Variants in SPIDR observed in about 807,000 individuals in gnomAD.
SPIDR encodes the protein scaffold protein involved in DNA repair.
SPIDR carries 93 observed loss-of-function variants against 104.6 expected under a neutral mutation model. That is an observed-to-expected ratio of 0.89 (90% CI 0.75 to 1.06). The LOEUF (loss-of-function observed/expected upper bound fraction) is 1.06, where lower values mean the gene tolerates loss of function less well. Among genes scored for constraint, SPIDR ranks in the 50% least tolerant of loss-of-function variants. The pLI, the probability that SPIDR is intolerant of heterozygous loss-of-function variation, is 0.00. For missense variants in SPIDR, 1,154 were observed against 1,111.2 expected (o/e 1.04, Z -0.55); for synonymous variants, 431 against 416.9 (o/e 1.03, Z -0.41).
At chr8:47,494,463 T>A (rs1017512032) in intron 8 of SPIDR, among the ~76,000 whole-genome samples, 2 of 152,166 alleles carry the variant, frequency 1.3e-5, no homozygotes, top group African/African-American at 4.8e-5. Context: ...GAAATAAATA[T>A]TAGTGTAAAT....
chr8:47,709,066 G>A (rs957114541), intron 14 of SPIDR, among the ~76,000 whole-genome samples: 3 of 150,648 alleles, frequency 2.0e-5, no homozygotes, highest in African/African-American at 7.3e-5. Context: ...TCTGCCTCCC[G>A]TGTTCAAGAG....
chr8:47,661,002 A>C (rs2074027612), intron 10 of SPIDR: 1 of 983,626 alleles, frequency 1.0e-6, no homozygotes, highest in East Asian at 1.1e-4. Context: ...TGGATTGTGC[A>C]GGTACCCAAA....
intron 5 of SPIDR, among the ~76,000 whole-genome samples, chr8:47,311,018 T>G (rs908074847): frequency 2.0e-5 from 3 of 152,182 alleles, no homozygotes; most frequent in Non-Finnish European, 4.4e-5. Context: ...TTGATATGAC[T>G]CCTATGTTAG....
At chr8:47,556,855 C>T (rs982662303) in intron 8 of SPIDR, among the ~76,000 whole-genome samples, 2 of 151,996 alleles carry the variant, frequency 1.3e-5, no homozygotes, top group Admixed American at 6.5e-5. Flanking sequence ...CCTCCCACTT[C>T]GGCCTCCCAA....
chr8:47,613,025 T>G (rs2063801321), intron 10 of SPIDR, among the ~76,000 whole-genome samples: 4 of 152,214 alleles, frequency 2.6e-5, no homozygotes, highest in Admixed American at 2.6e-4. Flanking sequence ...TAACATAAAA[T>G]TGGCCATTTT....
At position 47,632,794 on chromosome 8, in the gene SPIDR, G is replaced by A. The variant is rs549801111; in HGVS notation, c.1544+33598G>A. 5.9e-5 allele frequency among the ~76,000 whole-genome samples: 9 copies of A among 152,194 alleles called. No homozygotes were observed. The South Asian group carries it at 8.3e-4, about 14-fold the overall frequency. The stretch of plus-strand genomic sequence containing the variant: ...AATGAATAAAGCACACAAAATCTCC[G>A]AGCAGTAGCTGGCCTTTCAGGGGCA... On this transcript the variant is annotated intron_variant, in intron 10 of 19. Transcript: ENST00000297423.
chr8:47,571,595 A>G (rs1221111297), intron 8 of SPIDR, among the ~76,000 whole-genome samples: 1 of 152,236 alleles, frequency 6.6e-6, no homozygotes, highest in African/African-American at 2.4e-5. Flanking sequence ...TACAAACATT[A>G]TAGCAATAAG....
intron 1 of SPIDR, among the ~76,000 whole-genome samples, chr8:47,270,330 GT>G (rs1253144698): frequency 6.6e-6 from 1 of 152,088 alleles, no homozygotes; most frequent in African/African-American, 2.4e-5. Context: ...TCTCTGATCA[GT>G]TTTTTATTTC....
rs1329338010 is a variant in SPIDR, at chr8:47,511,324, A to G, written c.1097+70782A>G. The G allele has an allele frequency of 2.4e-6, 3 of 1,259,152 alleles. No homozygotes were observed. The East Asian group carries it at 6.9e-5, about 29-fold the overall frequency. 78.0% of individuals were successfully genotyped at this position (1,259,152 alleles called of 1,614,324 possible). A position where few individuals can be genotyped will look rare whatever the true frequency, so the allele number is the denominator to read the frequency against. ...TTTGGCTTCATTTTCTGCCAGTTGGACTGGAGAGATGGTACTCAACACCTA... is the reference window on the plus strand; with the variant it reads ...TTTGGCTTCATTTTCTGCCAGTTGGGCTGGAGAGATGGTACTCAACACCTA... On this transcript the variant is annotated intron_variant, in intron 8 of 19. Coordinates refer to ENST00000297423, the MANE Select transcript of SPIDR (RefSeq NM_001080394.4).
At chr8:47,531,157 A>T (rs535857932) in intron 8 of SPIDR, among the ~76,000 whole-genome samples, 14 of 152,302 alleles carry the variant, frequency 9.2e-5, no homozygotes, top group African/African-American at 3.1e-4. Context: ...TTGGCCTCCC[A>T]AAGGTATTAC....
intron 5 of SPIDR, among the ~76,000 whole-genome samples, chr8:47,353,517 G>A (rs1292956812): frequency 1.3e-5 from 2 of 152,138 alleles, no homozygotes; most frequent in Non-Finnish European, 2.9e-5. Context: ...ACAGGAGGAG[G>A]CCAGAGCGTA....
intron 5 of SPIDR, among the ~76,000 whole-genome samples, chr8:47,317,739 T>C (rs1586848923): frequency 6.6e-6 from 1 of 152,102 alleles, no homozygotes; most frequent in South Asian, 2.1e-4. Flanking sequence ...GGTACTCCTC[T>C]GAGACAAAAC....
At chr8:47,540,300 T>C (rs528367579) in intron 8 of SPIDR, among the ~76,000 whole-genome samples, 63 of 152,104 alleles carry the variant, frequency 4.1e-4, no homozygotes, top group Non-Finnish European at 7.4e-4. Context: ...ATTGATGTCA[T>C]CCAAAAAGAA....
chr8:47,711,010 C>T (rs369284354), intron 14 of SPIDR, among the ~76,000 whole-genome samples: 8 of 151,714 alleles, frequency 5.3e-5, no homozygotes, highest in African/African-American at 1.5e-4. Context: ...GTAATCCTCC[C>T]GCCTCAGCCT....
At position 47,466,912 on chromosome 8, in the gene SPIDR, TATAGATAGATAG is replaced by T. The variant is rs1240331641; in HGVS notation, c.1097+26398_1097+26409del. ...GAAAAAAAAAAAAAATATATATATA[TATAGATAGATAG>T]ATAGATAGATAGATAGATAGATAGA... On this transcript the variant is annotated intron_variant, in intron 8 of 19. Coordinates refer to ENST00000297423, the MANE Select transcript of SPIDR (RefSeq NM_001080394.4). Among the ~76,000 whole-genome samples the T allele has an allele frequency of 1.9e-4, 22 of 113,352 alleles. 1 individual carries two copies. Among genetic ancestry groups the T allele is most frequent in the African/African-American group, 6.6e-4 (19 of 28,634 alleles). 74.4% of individuals were successfully genotyped at this position (113,352 alleles called of 152,430 possible). A position where few individuals can be genotyped will look rare whatever the true frequency, so the allele number is the denominator to read the frequency against.
At chr8:47,730,103 C>T (rs1223178812) in intron 19 of SPIDR, among the ~76,000 whole-genome samples, 3 of 152,104 alleles carry the variant, frequency 2.0e-5, no homozygotes, top group African/African-American at 7.2e-5. Context: ...TGGAATTCCC[C>T]AAGATGCTTT....
At chr8:47,531,929 G>T (rs1212486833) in intron 8 of SPIDR, among the ~76,000 whole-genome samples, 3 of 152,068 alleles carry the variant, frequency 2.0e-5, no homozygotes, top group African/African-American at 7.2e-5. Flanking sequence ...AAAAAGAGTA[G>T]AATACAATAA....
intron 5 of SPIDR, among the ~76,000 whole-genome samples, chr8:47,381,296 A>G (rs1366366834): frequency 2.0e-5 from 3 of 152,174 alleles, no homozygotes; most frequent in African/African-American, 7.2e-5. Flanking sequence ...ATGATAACCA[A>G]ATCTATTGAC....
chr8:47,462,405 C>G (rs1487405655), intron 8 of SPIDR, among the ~76,000 whole-genome samples: 1 of 152,090 alleles, frequency 6.6e-6, no homozygotes, highest in East Asian at 1.9e-4. Flanking sequence ...AGTTCTGGAG[C>G]CAAAGTTCAT....
Sources: gnomAD v4.1 joint callset for allele counts (sites outside exome capture counted in the v4.1 genomes callset) on GRCh38, gnomAD v4.1.1 for gene constraint, MANE v1.5 for transcripts, NCBI Gene and HGNC (gene_info 2026-07-23, HGNC 2026-07-21) for gene names.